Variants in ZNF117 observed in about 807,000 individuals in gnomAD.
ZNF117 encodes the protein zinc finger protein 117, also known as Krueppel-related zinc finger protein.
A neutral mutation model predicts 41.2 loss-of-function variants in ZNF117; 37 were observed. The ratio of observed to expected loss-of-function variants is 0.90; its 90% CI spans 0.69 to 1.18. The LOEUF (loss-of-function observed/expected upper bound fraction) is 1.18, where lower values mean the gene tolerates loss of function less well. Ranked by LOEUF, ZNF117 falls within the 50% of genes most tolerant of loss-of-function variation. ZNF117 has a pLI of 0.00. For synonymous variants in ZNF117, 186 were observed against 186.6 expected (o/e 1.00, Z 0.02); for missense variants, 546 against 557.5 (o/e 0.98, Z 0.21).
exon 3 of ZNF117, chr7:64,979,022 A>C (rs760162694): frequency 1.2e-6 from 2 of 1,613,178 alleles, no homozygotes; most frequent in Non-Finnish European, 1.7e-6. Flanking sequence ...GAATTCTCTT[A>C]TGTCTAATAA....
chr7:64,978,710 G>T lies in ZNF117; in HGVS notation c.861C>A (p.Asn287Lys), dbSNP rs539898641. The stretch of plus-strand genomic sequence containing the variant: ...TATGTGTAGTAAGGGTTGAGGACTG[G>T]TTAAAGGCTTTACCACATTCTTCAC... Residue 287 changes from asparagine to lysine, a missense_variant, in exon 3 of 3, where the codon AAC becomes AAA. Physicochemically the swap from Asn to Lys is moderately conservative, Grantham distance 94. Transcript: ENST00000620222. 5 of 1,612,874 alleles carry T rather than the reference G, an allele frequency of 3.1e-6. No individual in the cohort carries two copies. In the Admixed American group the frequency reaches 5.0e-5, roughly 16 times the overall value.
chr7:64,991,005 C>A, exon 1 of ZNF117: 1 of 415,764 alleles, frequency 2.4e-6, no homozygotes, highest in East Asian at 3.5e-5. Context: ...CTTTTCTTGG[C>A]AGGGGTTAAT....
chr7:64,981,212 G>C, intron 2 of ZNF117, 175 bp downstream of exon 3: 1 of 779,380 alleles, frequency 1.3e-6, no homozygotes, highest in Non-Finnish European at 2.0e-6. Flanking sequence ...AATCCTTAGA[G>C]AATTGAAAAA....
exon 3 of ZNF117, chr7:64,975,035 T>C (rs1310690839): frequency 6.6e-6 from 1 of 151,962 alleles, no homozygotes; most frequent in Non-Finnish European, 1.5e-5. Flanking sequence ...ATGGGAACAA[T>C]GTTCTTTAAT....
chr7:64,976,987 C>T, exon 3 of ZNF117: 1 of 534,890 alleles, frequency 1.9e-6, no homozygotes, highest in South Asian at 1.4e-5. Flanking sequence ...TAGGGTTTCT[C>T]TCCAGTACGA....
At chr7:64,978,586 C>T (rs780102196) in exon 3 of ZNF117, 8 of 1,612,670 alleles carry the variant, frequency 5.0e-6, no homozygotes, top group Admixed American at 1.7e-5. Flanking sequence ...GGTTTCTCTC[C>T]AGTATGAATT....
chr7:64,984,475 G>A (rs1045719900), upstream of ZNF117, among the ~76,000 whole-genome samples: 11 of 152,196 alleles, frequency 7.2e-5, no homozygotes, highest in Non-Finnish European at 1.3e-4. Flanking sequence ...ATGGTGAACT[G>A]TAGAGCTATT....
chr7:64,980,974 C>CA (rs112638395), intron 2 of ZNF117: 81,206 of 146,592 alleles, frequency 0.55, 18,225 homozygotes, highest in East Asian at 0.66. Context: ...TAAACAACAA[C>CA]AAAAAAACCA....
At chr7:64,979,405 C>T (rs562450442) in exon 3 of ZNF117, 2 of 1,610,972 alleles carry the variant, frequency 1.2e-6, no homozygotes, top group East Asian at 2.2e-5. Context: ...CACTCAACCA[C>T]ACTTTTACAG....
exon 3 of ZNF117, chr7:64,977,855 A>G: frequency 8.9e-7 from 1 of 1,129,934 alleles, no homozygotes; most frequent in Non-Finnish European, 1.3e-6. Context: ...TATGTTTAAT[A>G]AGGTTTGATG....
At position 64,978,838 on chromosome 7, in the gene ZNF117, C is replaced by A; in HGVS notation, c.733G>T (p.Gly245Ter). ...TCTTCACATTCATAACGTTTCTCTC[C>A]GGTATGAATTAACTTATGTTCAGTA... The change falls in exon 3 of 3, where the codon GGA becomes TGA. Residue 245 changes from glycine to a stop codon, truncating the protein, a stop_gained. Coordinates refer to ENST00000620222, the Ensembl canonical transcript of ZNF117. LOFTEE classifies it high-confidence loss of function. 3 of 1,613,500 alleles carry A rather than the reference C, an allele frequency of 1.9e-6. No homozygotes were observed. The highest frequency in any genetic ancestry group is 1.7e-6 in the Non-Finnish European group (2 of 1,179,724).
intron 1 of ZNF117, among the ~76,000 whole-genome samples, chr7:64,988,023 T>C (rs1786172489): frequency 1.3e-5 from 2 of 152,018 alleles, no homozygotes; most frequent in Admixed American, 6.5e-5. Context: ...TTCTACCAGA[T>C]GTACAAAGAA....
At chr7:64,978,870 G>A (rs760672852) in exon 3 of ZNF117, 13 of 1,613,500 alleles carry the variant, frequency 8.1e-6, no homozygotes, top group Admixed American at 6.7e-5. Flanking sequence ...AGTAAGCTTT[G>A]AGGCTTGGTT....
upstream of ZNF117, among the ~76,000 whole-genome samples, chr7:64,984,637 A>G (rs1365255464): frequency 6.6e-6 from 1 of 152,226 alleles, no homozygotes; most frequent in Admixed American, 6.5e-5. Flanking sequence ...TTACTGTAAT[A>G]GTTTGGTAGT....
upstream of ZNF117, among the ~76,000 whole-genome samples, chr7:64,982,318 G>A (rs1454031675): frequency 6.6e-6 from 1 of 152,084 alleles, no homozygotes; most frequent in African/African-American, 2.4e-5. Flanking sequence ...AAAAGAAAGT[G>A]GTATAAGAAG....
upstream of ZNF117, among the ~76,000 whole-genome samples, chr7:64,984,710 C>T (rs1192138643): frequency 6.6e-6 from 1 of 151,988 alleles, no homozygotes; most frequent in African/African-American, 2.4e-5. Flanking sequence ...TCATAATGTA[C>T]ATAGGATTTT....
In ZNF117 at chr7:64,978,951, G is replaced by C. The variant is rs529693981; in HGVS notation, c.620C>G (p.Thr207Ser). 2.2e-5 allele frequency: 36 copies of C among 1,611,292 alleles called. No individual in the cohort carries two copies. The highest frequency in any genetic ancestry group is 3.0e-5 in the Non-Finnish European group (35 of 1,179,032). ...ATGAATTATATTATGTGTAGTAAGGGTCGATGACTGGTTAAAGGCTTTGCC... is the reference window on the plus strand; with the variant it reads ...ATGAATTATATTATGTGTAGTAAGGCTCGATGACTGGTTAAAGGCTTTGCC... The change falls in exon 3 of 3, where the codon ACC becomes AGC. Residue 207 changes from threonine to serine, a missense_variant. Thr to Ser is a moderately conservative substitution (Grantham distance 58, BLOSUM62 1). Transcript: ENST00000620222.
rs189749876 is a variant in ZNF117 at position 64,977,501 on chromosome 7, A to C, written c.*618T>G. 4.7e-5 allele frequency: 24 copies of C among 507,562 alleles called. 1 individual carries two copies. Among genetic ancestry groups the C allele is most frequent in the African/African-American group, 2.2e-4 (11 of 50,818 alleles). 31.4% of individuals were successfully genotyped at this position (507,562 alleles called of 1,614,324 possible). A position where few individuals can be genotyped will look rare whatever the true frequency, so the allele number is the denominator to read the frequency against. On this transcript the variant is annotated 3_prime_UTR_variant, in exon 3 of 3. Transcript: ENST00000620222. Reference sequence around the variant, plus strand: ...ATTTGTAAGGTTTCTCTCCAGTATGAATTCTTTTATGTATAGTAAGAGTTG... The same window carrying C: ...ATTTGTAAGGTTTCTCTCCAGTATGCATTCTTTTATGTATAGTAAGAGTTG...
At chr7:64,977,851 T>A in exon 3 of ZNF117, 1 of 1,097,418 alleles carries the variant, frequency 9.1e-7, no homozygotes, top group East Asian at 2.7e-5. Context: ...TTCTTATGTT[T>A]AATAAGGTTT....
Sources: gnomAD v4.1 joint callset for allele counts (sites outside exome capture counted in the v4.1 genomes callset) on GRCh38, gnomAD v4.1.1 for gene constraint, MANE v1.5 for transcripts, NCBI Gene and HGNC (gene_info 2026-07-23, HGNC 2026-07-21) for gene names.